FRMPD4: variants seen among roughly 807,000 people sequenced by gnomAD.
FRMPD4 encodes FERM and PDZ domain-containing protein 4.
In FRMPD4, 22 loss-of-function variants were observed where a neutral mutation model predicts 94.1. The ratio of observed to expected loss-of-function variants is 0.23; its 90% confidence interval spans 0.17 to 0.33. The LOEUF (loss-of-function observed/expected upper bound fraction) is 0.33, where lower values mean the gene tolerates loss of function less well. Among genes scored for constraint, FRMPD4 ranks in the 10% least tolerant of loss-of-function variants. The pLI, the probability that FRMPD4 is intolerant of heterozygous loss-of-function variation, is 1.00. For missense variants in FRMPD4, 1,111 were observed against 1,339.9 expected (o/e 0.83, Z 2.67); for synonymous variants, 631 against 548.6 (o/e 1.15, Z -2.10).
chrX:12,421,082 A>G (rs1190061871), intron 1 of FRMPD4, among the ~76,000 whole-genome samples: 1 of 107,704 alleles, frequency 9.3e-6, no homozygotes, highest in Non-Finnish European at 1.9e-5. Context: ...TACTGCCTGC[A>G]TGAAAGACTA....
chrX:12,359,519 G>A (rs1446776218), intron 1 of FRMPD4, among the ~76,000 whole-genome samples: 3 of 106,433 alleles, frequency 2.8e-5, no homozygotes, highest in Admixed American at 1.0e-4. Context: ...CCAGGCTGGA[G>A]TATAGTGGCG....
At chrX:11,857,104 A>C (rs1254898198) in intron 1 of FRMPD4, among the ~76,000 whole-genome samples, 2 of 112,268 alleles carry the variant, frequency 1.8e-5, no homozygotes, top group Non-Finnish European at 3.8e-5. Flanking sequence ...GATAGGAAGA[A>C]TCAATATTTT....
At chrX:11,966,938 T>C (rs1341288996) in intron 3 of FRMPD4, among the ~76,000 whole-genome samples, 1 of 111,943 alleles carries the variant, frequency 8.9e-6, no homozygotes, top group Non-Finnish European at 1.9e-5. Context: ...ACTGGAGGAT[T>C]CTCTTTGAAT....
At chrX:12,632,539 A>T (rs1221619046) in intron 4 of FRMPD4, among the ~76,000 whole-genome samples, 3 of 112,303 alleles carry the variant, frequency 2.7e-5, no homozygotes, top group Non-Finnish European at 5.6e-5. Context: ...TCTCAAGAGG[A>T]TACAATTTTC....
At chrX:12,508,991 C>CA (rs770698547) in intron 2 of FRMPD4, among the ~76,000 whole-genome samples, 1,627 of 30,336 alleles carry the variant, frequency 0.054, 165 homozygotes, top group African/African-American at 0.15. Flanking sequence ...GACTCTGTCT[C>CA]AAAAAAAAAA....
chrX:12,382,740 C>T (rs1409603955), intron 1 of FRMPD4, among the ~76,000 whole-genome samples: 1 of 111,384 alleles, frequency 9.0e-6, no homozygotes, highest in African/African-American at 3.3e-5. Flanking sequence ...ACTGCCCAGC[C>T]CCAGCATCCC....
chrX:12,162,781 T>C (rs2056046523), intron 1 of FRMPD4, among the ~76,000 whole-genome samples: 1 of 111,757 alleles, frequency 8.9e-6, no homozygotes, highest in Non-Finnish European at 1.9e-5. Context: ...GTGGTGAACA[T>C]GGCATTTTCA....
At chrX:12,556,963 C>T (rs750284900) in intron 2 of FRMPD4, among the ~76,000 whole-genome samples, 1 of 112,011 alleles carries the variant, frequency 8.9e-6, no homozygotes, top group South Asian at 3.8e-4. Flanking sequence ...CACCACCATT[C>T]CTGGCTAATT....
At chrX:11,887,627 C>T (rs2053853136) in intron 3 of FRMPD4, among the ~76,000 whole-genome samples, 2 of 112,331 alleles carry the variant, frequency 1.8e-5, no homozygotes, top group South Asian at 7.4e-4. Context: ...GTGACACTGG[C>T]TCCAACCAGT....
intron 1 of FRMPD4, among the ~76,000 whole-genome samples, chrX:12,298,043 TTTTG>T (rs1184215747): frequency 8.9e-6 from 1 of 112,050 alleles, no homozygotes; most frequent in East Asian, 2.8e-4. Context: ...AACTTTCTCC[TTTTG>T]AGAAGAGAGG....
chrX:12,645,136 T>C (rs1308293562), intron 4 of FRMPD4, among the ~76,000 whole-genome samples: 1 of 110,881 alleles, frequency 9.0e-6, no homozygotes, highest in Non-Finnish European at 1.9e-5. Flanking sequence ...ATTGCTACCA[T>C]TTATCAAATA....
intron 1 of FRMPD4, among the ~76,000 whole-genome samples, chrX:11,850,673 G>A (rs1383205165): frequency 8.9e-6 from 1 of 112,134 alleles, no homozygotes; most frequent in African/African-American, 3.2e-5. Flanking sequence ...CTTTCAGAAT[G>A]TTATGCTAAG....
chrX:12,560,484 A>T (rs1008411913), intron 2 of FRMPD4, among the ~76,000 whole-genome samples: 1 of 17,255 alleles, frequency 5.8e-5, no homozygotes, highest in South Asian at 1.4e-3. Flanking sequence ...AATGAAAAAA[A>T]AAAAAAAAAA....
At chrX:11,958,898 A>G (rs1199535293) in intron 3 of FRMPD4, among the ~76,000 whole-genome samples, 1 of 112,073 alleles carries the variant, frequency 8.9e-6, no homozygotes, top group Non-Finnish European at 1.9e-5. Flanking sequence ...ACAATACAAT[A>G]GAGAGGGTCA....
chrX:12,110,581 A>C (rs2055350256), intron 3 of FRMPD4, among the ~76,000 whole-genome samples: 1 of 111,207 alleles, frequency 9.0e-6, no homozygotes, highest in Non-Finnish European at 1.9e-5. Flanking sequence ...GCAATCAGGC[A>C]GGAGAAAGAA....
chrX:12,094,920 A>C (rs765387609), intron 3 of FRMPD4, among the ~76,000 whole-genome samples: 31 of 111,849 alleles, frequency 2.8e-4, no homozygotes, highest in Non-Finnish European at 3.8e-4. Flanking sequence ...AGGACAAGTC[A>C]TATATGTATT....
intron 2 of FRMPD4, among the ~76,000 whole-genome samples, chrX:12,585,692 G>C (rs2058921307): frequency 8.9e-6 from 1 of 111,753 alleles, no homozygotes; most frequent in Non-Finnish European, 1.9e-5. Context: ...AAGTCACTCT[G>C]GACTTGCTCC....
At chrX:12,352,173 T>A (rs2055825483) in intron 1 of FRMPD4, among the ~76,000 whole-genome samples, 1 of 112,518 alleles carries the variant, frequency 8.9e-6, no homozygotes, top group Non-Finnish European at 1.9e-5. Context: ...CCATTATGGA[T>A]CTTTTTCTTT....
At chrX:12,279,759 G>C (rs956025158) in intron 1 of FRMPD4, among the ~76,000 whole-genome samples, 4 of 110,647 alleles carry the variant, frequency 3.6e-5, no homozygotes, top group Admixed American at 2.9e-4. Flanking sequence ...TCAATGTCCT[G>C]GCGAGCCACA....
Sources: gnomAD v4.1 joint callset for allele counts (sites outside exome capture counted in the v4.1 genomes callset) on GRCh38, gnomAD v4.1.1 for gene constraint, MANE v1.5 for transcripts, NCBI Gene and HGNC (gene_info 2026-07-23, HGNC 2026-07-21) for gene names.